PCDHGB2: variants seen among roughly 807,000 people sequenced by gnomAD.
PCDHGB2 encodes the protein protocadherin gamma-B2.
PCDHGB2 carries 55 observed loss-of-function variants against 59.3 expected under a neutral mutation model. The observed-to-expected ratio is 0.93, with a 90% CI of 0.75 to 1.16. The LOEUF (loss-of-function observed/expected upper bound fraction) is 1.16. Ranked by LOEUF, PCDHGB2 falls within the 50% of genes most tolerant of loss-of-function variation. The probability of loss-of-function intolerance (pLI) is 0.00; values close to 1 mark genes in which losing one functional copy is unlikely to be tolerated. For missense variants in PCDHGB2, 1,228 were observed against 1,198.5 expected, an observed-to-expected ratio of 1.02 and a Z score of -0.36; for synonymous variants, 516 against 512.0, an observed-to-expected ratio of 1.01 and a Z score of -0.11.
chr5:141,489,775 T>C lies in PCDHGB2; in HGVS notation c.2422-5032T>C, dbSNP rs748163008. The C allele has an allele frequency of 6.2e-7, 1 of 1,614,110 alleles. No homozygotes were observed. The highest frequency in any genetic ancestry group is 8.5e-7 in the Non-Finnish European group (1 of 1,179,986). Reference sequence around the variant, plus strand: ...CACTCTAAGCCCCAACAGCCACTTCTCTCTGAATGTGAAGACCCTAAAAGA... The same window carrying C: ...CACTCTAAGCCCCAACAGCCACTTCCCTCTGAATGTGAAGACCCTAAAAGA... On this transcript the variant is annotated intron_variant, in intron 1 of 3. Coordinates refer to ENST00000522605, the MANE Select transcript of PCDHGB2 (RefSeq NM_018923.3). This position sits in a 1 kb window ranked among gnomAD's most constrained non-coding sequence, Gnocchi z 4.5.
At position 141,505,479 on chromosome 5, in the gene PCDHGB2, G is replaced by A; in HGVS notation, c.2567G>A (p.Ser856Asn). 1 of 1,614,228 alleles carries A rather than the reference G, an allele frequency of 6.2e-7. No homozygotes were observed. The highest frequency in any genetic ancestry group is 8.5e-7 in the Non-Finnish European group (1 of 1,180,018). Residue 856 changes from serine to asparagine, a missense_variant and splice_region_variant, in exon 3 of 4, where the codon AGT (serine) becomes AAT (asparagine). Ser to Asn is a conservative substitution (Grantham distance 46, BLOSUM62 1). Coordinates refer to ENST00000522605, the MANE Select transcript of PCDHGB2 (RefSeq NM_018923.3). Reference sequence around the variant, plus strand: ...CAAGCCATGATCTTGGCGTCCGCCAGTGGTAAGTGGTGTCAGTGTGTGTAT... The same window carrying A: ...CAAGCCATGATCTTGGCGTCCGCCAATGGTAAGTGGTGTCAGTGTGTGTAT... Reference protein sequence around the residue: ...MLQAMILASASEAADGSSTLG... With the variant: ...MLQAMILASANEAADGSSTLG...
intron 1 of PCDHGB2, chr5:141,404,534 T>A: frequency 6.2e-7 from 1 of 1,613,954 alleles, no homozygotes; most frequent in Non-Finnish European, 8.5e-7. Context: ...GTTTAGAGAT[T>A]TGCAAATGCA....
At chr5:141,506,962 G>A (rs2099857578) in intron 3 of PCDHGB2, 1 of 152,196 alleles carries the variant, frequency 6.6e-6, no homozygotes, top group Non-Finnish European at 1.5e-5. Context: ...CCTCTCAATA[G>A]CTCTGCAAGG....
At chr5:141,430,846 C>CCA in intron 1 of PCDHGB2, 1 of 1,576,346 alleles carries the variant, frequency 6.3e-7, no homozygotes, top group Non-Finnish European at 8.6e-7. Context: ...CCGGATGCAC[C>CCA]CAGATACGCT....
In PCDHGB2 at chr5:141,422,867, T is replaced by C. The variant is rs116031289; in HGVS notation, c.2421+60311T>C. On this transcript the variant is annotated intron_variant, in intron 1 of 3. Coordinates refer to ENST00000522605, the MANE Select transcript of PCDHGB2 (RefSeq NM_018923.3). Reference sequence around the variant, plus strand: ...GGGGACCCGCCCCTCAGCAGCAACGTGTCGCTGAGCCTGTTCGTGCTGGAC... The same window carrying C: ...GGGGACCCGCCCCTCAGCAGCAACGCGTCGCTGAGCCTGTTCGTGCTGGAC... 1.5e-3 allele frequency: 2,464 copies of C among 1,614,218 alleles called. 37 individuals are homozygous for C. In the African/African-American group the frequency reaches 0.029, roughly 19 times the overall value.
chr5:141,425,478 G>A (rs2096877750), intron 1 of PCDHGB2, among the ~76,000 whole-genome samples: 1 of 152,148 alleles, frequency 6.6e-6, no homozygotes, highest in Admixed American at 6.5e-5. Flanking sequence ...AATTCCTATG[G>A]CAACCTACTA....
chr5:141,501,292 C>CACAT (rs200296563), intron 2 of PCDHGB2, among the ~76,000 whole-genome samples: 14,029 of 50,334 alleles, frequency 0.28, 723 homozygotes, highest in Admixed American at 0.4. Flanking sequence ...TTCCCTTATA[C>CACAT]ACACACACAC....
rs556099456 is a variant in PCDHGB2, at chr5:141,430,033, C to A, written c.2422-64774C>A. ...ACTTGGGTTCTTGTTAAGTGTGATT[C>A]TGATAATGTATACAATCACATATCA... On this transcript the variant is annotated intron_variant, in intron 1 of 3. Coordinates refer to ENST00000522605, the MANE Select transcript of PCDHGB2 (RefSeq NM_018923.3). 1.2e-4 allele frequency among the ~76,000 whole-genome samples: 18 copies of A among 152,184 alleles called. 1 individual carries two copies. In the South Asian group the frequency reaches 3.3e-3, roughly 28 times the overall value.
chr5:141,384,504 T>C (rs941539151), intron 1 of PCDHGB2: 1 of 1,614,048 alleles, frequency 6.2e-7, no homozygotes, highest in African/African-American at 1.3e-5. Context: ...TGACTGCACA[T>C]GACAGCGGGG....
At chr5:141,408,579 T>G in intron 1 of PCDHGB2, 1 of 1,614,026 alleles carries the variant, frequency 6.2e-7, no homozygotes, top group Non-Finnish European at 8.5e-7. Flanking sequence ...ATTGAGGATG[T>G]TAATGACCAC....
At chr5:141,483,084 CA>C (rs898059463) in intron 1 of PCDHGB2, among the ~76,000 whole-genome samples, 4 of 150,440 alleles carry the variant, frequency 2.7e-5, no homozygotes, top group Middle Eastern at 3.4e-3. Flanking sequence ...GACTCCATCT[CA>C]AAAAAAAAGT....
chr5:141,495,853 C>T (rs1254274145), intron 2 of PCDHGB2, among the ~76,000 whole-genome samples: 1 of 152,136 alleles, frequency 6.6e-6, no homozygotes, highest in African/African-American at 2.4e-5. Context: ...TTCTCTGTCT[C>T]TCACTATTTC....
intron 1 of PCDHGB2, among the ~76,000 whole-genome samples, chr5:141,455,769 C>T (rs1371335785): frequency 2.6e-5 from 4 of 152,014 alleles, no homozygotes; most frequent in Admixed American, 2.6e-4. Flanking sequence ...AGAGCCGGGG[C>T]TTTAAAAGAA....
At chr5:141,475,448 G>C (rs774710049) in intron 1 of PCDHGB2, among the ~76,000 whole-genome samples, 1 of 152,214 alleles carries the variant, frequency 6.6e-6, no homozygotes, top group African/African-American at 2.4e-5. Context: ...CAGATAATGA[G>C]GAAGTGACAG....
chr5:141,376,686 T>G (rs543583265), intron 1 of PCDHGB2: 153 of 814,322 alleles, frequency 1.9e-4, no homozygotes, highest in Middle Eastern at 1.5e-3. Flanking sequence ...GTTTTTTTTT[T>G]TTTTTTTTTT....
Position 141,432,148 on chromosome 5 carries a change from G to C in PCDHGB2, c.2422-62659G>C. ...CCTCCTATTCCGCTTATATCCCAGA[G>C]AACAATCCCAGAGGAGTTTCCCTCG... On this transcript the variant is annotated intron_variant, in intron 1 of 3. Coordinates refer to ENST00000522605, the MANE Select transcript of PCDHGB2 (RefSeq NM_018923.3). The surrounding 1 kb of genome is among the most constrained non-coding windows in gnomAD (Gnocchi z 6.0). 6.2e-7 allele frequency: 1 copy of C among 1,614,002 alleles called. No individual in the cohort carries two copies. Among genetic ancestry groups the C allele is most frequent in the East Asian group, 2.2e-5 (1 of 44,876 alleles).
chr5:141,489,994 C>A lies in PCDHGB2; in HGVS notation c.2422-4813C>A, dbSNP rs1307285048. The A allele has an allele frequency of 1.2e-5, 19 of 1,614,192 alleles. No individual in the cohort carries two copies. The highest frequency in any genetic ancestry group is 1.6e-4 in the Middle Eastern group (1 of 6,062). On this transcript the variant is annotated intron_variant, in intron 1 of 3. Transcript: ENST00000522605. This position sits in a 1 kb window ranked among gnomAD's most constrained non-coding sequence, Gnocchi z 4.5. Reference sequence around the variant, plus strand: ...ATCCTCAGTTCTACGTGTGGGAATCCCAGAGAATGCACCCATTGGTACTCT... The same window carrying A: ...ATCCTCAGTTCTACGTGTGGGAATCACAGAGAATGCACCCATTGGTACTCT...
rs561329093 is a variant in PCDHGB2 at position 141,509,163 on chromosome 5, C to A, written c.2570-1784C>A. Among the ~76,000 whole-genome samples the A allele has an allele frequency of 1.4e-4, 21 of 152,322 alleles. No individual in the cohort carries two copies. In the South Asian group the frequency reaches 4.1e-3, roughly 30 times the overall value. On this transcript the variant is annotated intron_variant, in intron 3 of 3. Coordinates refer to ENST00000522605, the MANE Select transcript of PCDHGB2 (RefSeq NM_018923.3). ...CATCCCGGCTCTCCCCTCCCGTGTG[C>A]CCTCCTCCTCTTATGCCGGCTTGAA...
At chr5:141,366,253 C>T in intron 1 of PCDHGB2, 3 of 1,613,750 alleles carry the variant, frequency 1.9e-6, no homozygotes, top group Non-Finnish European at 1.7e-6. Flanking sequence ...TCAAGCAGAG[C>T]CTCGTGGTGG....
Sources: gnomAD v4.1 joint callset for allele counts (sites outside exome capture counted in the v4.1 genomes callset) on GRCh38, gnomAD v4.1.1 for gene constraint, Gnocchi (gnomAD v3.1) non-coding constraint, MANE v1.5 for transcripts, NCBI Gene and HGNC (gene_info 2026-07-23, HGNC 2026-07-21) for gene names.